UBE2QL1: variants seen among roughly 807,000 people sequenced by gnomAD.
The protein encoded by UBE2QL1 is ubiquitin conjugating enzyme E2 QL1, also known as ubiquitin-conjugating enzyme E2Q-like protein 1.
Under a neutral mutation model 12.6 loss-of-function variants are expected in UBE2QL1, and 5 were observed. That is an observed-to-expected ratio of 0.40 (90% CI 0.21 to 0.83). UBE2QL1 has a LOEUF of 0.83. UBE2QL1 is among the 40% of genes least tolerant of loss of function. The probability of loss-of-function intolerance (pLI) is 0.37; values close to 1 mark genes in which losing one functional copy is unlikely to be tolerated. For missense variants in UBE2QL1, 99 were observed against 222.6 expected (o/e 0.44, Z 3.53); for synonymous variants, 96 against 94.5 (o/e 1.02, Z -0.10).
At chr5:6,490,918 T>C (rs1734555370) in intron 1 of UBE2QL1, among the ~76,000 whole-genome samples, 1 of 152,112 alleles carries the variant, frequency 6.6e-6, no homozygotes, top group South Asian at 2.1e-4. Context: ...GGCAGAGATT[T>C]CTCTGCAGCA....
chr5:6,460,119 G>A (rs1173614993), intron 1 of UBE2QL1, among the ~76,000 whole-genome samples: 1 of 152,138 alleles, frequency 6.6e-6, no homozygotes, highest in East Asian at 1.9e-4. Flanking sequence ...GGATAAAGCT[G>A]GAGATCTGCA....
At chr5:6,461,550 C>CCCCCCCCCCCCCCCCA (rs1553987879) in intron 1 of UBE2QL1, among the ~76,000 whole-genome samples, 1 of 123,948 alleles carries the variant, frequency 8.1e-6, no homozygotes, top group Non-Finnish European at 1.7e-5. Context: ...ACCACCCCCC[C>CCCCCCCCCCCCCCCCA]CCGCCGGCAT....
intron 1 of UBE2QL1, among the ~76,000 whole-genome samples, chr5:6,451,702 A>G (rs56980876): frequency 1.9e-3 from 289 of 152,368 alleles, no homozygotes; most frequent in African/African-American, 6.7e-3. Flanking sequence ...TCAAAATGCA[A>G]TGAAAGAAAG....
chr5:6,451,680 T>C (rs1480930672), intron 1 of UBE2QL1, among the ~76,000 whole-genome samples: 1 of 152,212 alleles, frequency 6.6e-6, no homozygotes, highest in Non-Finnish European at 1.5e-5. Flanking sequence ...ATGTGTGGCA[T>C]ACATAAAATA....
intron 1 of UBE2QL1, among the ~76,000 whole-genome samples, chr5:6,487,515 T>C (rs1419240418): frequency 6.6e-6 from 1 of 152,240 alleles, no homozygotes; most frequent in Admixed American, 6.5e-5. Context: ...TTGTAGTGGA[T>C]GAGTGAAGAG....
At chr5:6,491,042 G>A (rs906025304) in intron 1 of UBE2QL1, among the ~76,000 whole-genome samples, 176 bp from the exon 2 acceptor site, 4 of 152,320 alleles carry the variant, frequency 2.6e-5, no homozygotes, top group Middle Eastern at 3.4e-3. Context: ...TTTGGTGCCA[G>A]AGCTGAATTG....
rs1734370903 is a variant in UBE2QL1 at position 6,481,933 on chromosome 5, T to C, written c.355-9285T>C. Among the ~76,000 whole-genome samples, 1 of 152,208 alleles carries C rather than the reference T, an allele frequency of 6.6e-6. No individual in the cohort carries two copies. The highest frequency in any genetic ancestry group is 6.5e-5 in the Admixed American group (1 of 15,282). Reference sequence around the variant, plus strand: ...GCCTGCCGTGGGCAGAGTTATGTCCTCCCCAAAATAGTTGAAGTCCTACCC... The same window carrying C: ...GCCTGCCGTGGGCAGAGTTATGTCCCCCCCAAAATAGTTGAAGTCCTACCC... On this transcript the variant is annotated intron_variant, in intron 1 of 1. Coordinates refer to ENST00000399816, the MANE Select transcript of UBE2QL1 (RefSeq NM_001145161.3). The surrounding 1 kb of genome is among the most constrained non-coding windows in gnomAD (Gnocchi z 4.5).
In UBE2QL1 at chr5:6,481,979, C is replaced by T. The variant is rs58253020; in HGVS notation, c.355-9239C>T. On this transcript the variant is annotated intron_variant, in intron 1 of 1. Transcript: ENST00000399816. This position sits in a 1 kb window ranked among gnomAD's most constrained non-coding sequence, Gnocchi z 4.5. ...TACCCCCTGTGGCTGTGAATGTGAC[C>T]TTATTTGAAAATAGGGCCTTTGCAG... Among the ~76,000 whole-genome samples the T allele has an allele frequency of 8.9e-3, 1,353 of 152,340 alleles. 19 individuals carry two copies. The highest frequency in any genetic ancestry group is 0.031 in the African/African-American group (1,302 of 41,590).
Position 6,448,893 on chromosome 5 carries a change from C to T in UBE2QL1, c.-1C>T. On this transcript the variant is annotated 5_prime_UTR_variant, in exon 1 of 2. Coordinates refer to ENST00000399816, the MANE Select transcript of UBE2QL1 (RefSeq NM_001145161.3). ...GCACGCAGGTGCGCAGCCGGCGGCT[C>T]ATGAAGGAGCTGCAGGACATCGCGC... 1 of 1,517,566 alleles carries T rather than the reference C, an allele frequency of 6.6e-7. No individual in the cohort carries two copies. Among genetic ancestry groups the T allele is most frequent in the Non-Finnish European group, 8.8e-7 (1 of 1,131,282 alleles). 94.0% of individuals were successfully genotyped at this position (1,517,566 alleles called of 1,614,324 possible).
At position 6,449,076 on chromosome 5, in the gene UBE2QL1, C is replaced by T; in HGVS notation, c.183C>T (p.Asn61=). ...TGCTCAACCTCACCTTCCCCGACAA[C>T]TTCCCCTTCTCGCCGCCCTTCATGC... ...FILLNLTFPD[N]FPFSPPFMRV... Residue 61 remains asparagine (N), a synonymous_variant, in exon 1 of 2, where the codon AAC becomes AAT. Coordinates refer to ENST00000399816, the MANE Select transcript of UBE2QL1 (RefSeq NM_001145161.3). 1 of 1,548,604 alleles carries T rather than the reference C, an allele frequency of 6.5e-7. No homozygotes were observed. Among genetic ancestry groups the T allele is most frequent in the Non-Finnish European group, 8.7e-7 (1 of 1,145,672 alleles).
In UBE2QL1 at chr5:6,494,317, G is replaced by T. The variant is rs750867895; in HGVS notation, c.*2968G>T. The T allele has an allele frequency of 3.3e-5, 5 of 152,106 alleles. No homozygotes were observed. Among genetic ancestry groups the T allele is most frequent in the Non-Finnish European group, 7.3e-5 (5 of 68,034 alleles). 9.4% of individuals were successfully genotyped at this position (152,106 alleles called of 1,614,324 possible). A position where few individuals can be genotyped will look rare whatever the true frequency, so the allele number is the denominator to read the frequency against. On this transcript the variant is annotated 3_prime_UTR_variant, in exon 2 of 2. Coordinates refer to ENST00000399816, the MANE Select transcript of UBE2QL1 (RefSeq NM_001145161.3). ...TTATTCCCCCTAGTTACACACACAC[G>T]CACATGTGCCAATACTCCTGCAAAG... is the stretch of plus-strand genomic sequence containing the variant.
At chr5:6,489,070 G>A (rs1734517592) in intron 1 of UBE2QL1, among the ~76,000 whole-genome samples, 1 of 152,108 alleles carries the variant, frequency 6.6e-6, no homozygotes, top group Admixed American at 6.6e-5. Context: ...GCCATTTCCT[G>A]TCATCTTTTC....
chr5:6,470,500 G>A (rs1180389627), intron 1 of UBE2QL1, among the ~76,000 whole-genome samples: 1 of 152,070 alleles, frequency 6.6e-6, no homozygotes, highest in Non-Finnish European at 1.5e-5. Flanking sequence ...CTGCACCCGT[G>A]AACACACACA....
intron 1 of UBE2QL1, among the ~76,000 whole-genome samples, chr5:6,463,050 T>C (rs529485575): frequency 2.6e-5 from 4 of 152,360 alleles, no homozygotes. Context: ...TCCTTTCTTT[T>C]GATGTTGTTA....
rs758619998 is a variant in UBE2QL1 at position 6,476,558 on chromosome 5, A to C, written c.355-14660A>C. On this transcript the variant is annotated intron_variant, in intron 1 of 1. Coordinates refer to ENST00000399816, the MANE Select transcript of UBE2QL1 (RefSeq NM_001145161.3). This position sits in a 1 kb window ranked among gnomAD's most constrained non-coding sequence, Gnocchi z 4.9. Reference sequence around the variant, plus strand: ...AAACACCTGGGGGGCTCGGTTAAAGAGCCACATGCGGCACCCCTCAGGTGT... The same window carrying C: ...AAACACCTGGGGGGCTCGGTTAAAGCGCCACATGCGGCACCCCTCAGGTGT... Among the ~76,000 whole-genome samples, 3 of 152,114 alleles carry C rather than the reference A, an allele frequency of 2.0e-5. No individual in the cohort carries two copies. Among genetic ancestry groups the C allele is most frequent in the African/African-American group, 2.4e-5 (1 of 41,434 alleles).
rs532496764 is a variant in UBE2QL1 at position 6,496,116 on chromosome 5, C to T, written c.*4767C>T. 5.9e-5 allele frequency among the ~76,000 whole-genome samples: 9 copies of T among 152,098 alleles called. No individual in the cohort carries two copies. The highest frequency in any genetic ancestry group is 2.1e-4 in the South Asian group (1 of 4,820). ...GCAATGAGGGGGTCAGGTGCGAGGC[C>T]GTCCTCCCAGGTCAGTAAGGCCGCA... On this transcript the variant is annotated 3_prime_UTR_variant, in exon 2 of 2. Coordinates refer to ENST00000399816, the MANE Select transcript of UBE2QL1 (RefSeq NM_001145161.3).
At chr5:6,483,413 T>C (rs1175214608) in intron 1 of UBE2QL1, among the ~76,000 whole-genome samples, 5 of 150,832 alleles carry the variant, frequency 3.3e-5, no homozygotes, top group African/African-American at 1.2e-4. Context: ...CACTCCAGCC[T>C]GGGTGACAGA....
At position 6,496,085 on chromosome 5, in the gene UBE2QL1, T is replaced by C. The variant is rs542153159; in HGVS notation, c.*4736T>C. 2.0e-5 allele frequency among the ~76,000 whole-genome samples: 3 copies of C among 152,136 alleles called. No homozygotes were observed. The highest frequency in any genetic ancestry group is 3.9e-4 in the East Asian group (2 of 5,174). ...CAAGGTCATGATAAGGCTAGACAAA[T>C]AGAGTGCAATGAGGGGGTCAGGTGC... On this transcript the variant is annotated 3_prime_UTR_variant, in exon 2 of 2. Transcript: ENST00000399816.
rs563492526 is a variant in UBE2QL1 at position 6,495,698 on chromosome 5, A to G, written c.*4349A>G. Among the ~76,000 whole-genome samples, 1 of 152,280 alleles carries G rather than the reference A, an allele frequency of 6.6e-6. No individual in the cohort carries two copies. Among genetic ancestry groups the G allele is most frequent in the African/African-American group, 2.4e-5 (1 of 41,554 alleles). ...GAGCAAAGGGCAGAAATTCCCTCCA[A>G]CTGTTTTGGGAAGCTTCTGTAAGGG... is the stretch of plus-strand genomic sequence containing the variant. On this transcript the variant is annotated 3_prime_UTR_variant, in exon 2 of 2. Transcript: ENST00000399816.
Sources: allele counts gnomAD v4.1 joint callset (sites outside exome capture counted in the v4.1 genomes callset), GRCh38; gene constraint gnomAD v4.1.1; non-coding constraint Gnocchi (gnomAD v3.1); transcripts MANE v1.5; gene names NCBI Gene and HGNC (gene_info 2026-07-23, HGNC 2026-07-21).